PCDHGA8: variants seen among roughly 807,000 people sequenced by gnomAD.
The protein encoded by PCDHGA8 is protocadherin gamma subfamily A, 8.
Under a neutral mutation model 59.2 loss-of-function variants are expected in PCDHGA8, and 45 were observed. The observed-to-expected ratio is 0.76, with a 90% CI of 0.60 to 0.98. The LOEUF (loss-of-function observed/expected upper bound fraction) is 0.98, where lower values mean the gene tolerates loss of function less well. Ranked by LOEUF, PCDHGA8 falls within the 50% of genes least tolerant of loss-of-function variation. The pLI is 0.00. For synonymous variants in PCDHGA8, 531 were observed against 519.0 expected, an observed-to-expected ratio of 1.02 and a Z score of -0.32; for missense variants, 1,257 against 1,196.2, an observed-to-expected ratio of 1.05 and a Z score of -0.75.
At position 141,415,600 on chromosome 5, in the gene PCDHGA8, C is replaced by G. The variant is rs778987183; in HGVS notation, c.2424+20363C>G. ...TTCGAAGTTTCCTATAGAGGATACC[C>G]CATTGGTTCCAGTGAGTTTTATTTT... On this transcript the variant is annotated intron_variant, in intron 1 of 3. Coordinates refer to ENST00000398604, the MANE Select transcript of PCDHGA8 (RefSeq NM_032088.2). 24 of 1,613,588 alleles carry G rather than the reference C, an allele frequency of 1.5e-5. No individual in the cohort carries two copies. In the Middle Eastern group the frequency reaches 1.2e-3, roughly 77 times the overall value.
In PCDHGA8 at chr5:141,393,977, T is replaced by TA; in HGVS notation, c.1166dup (p.Asn389LysfsTer5). 6.2e-7 allele frequency: 1 copy of TA among 1,613,870 alleles called. No individual in the cohort carries two copies. The highest frequency in any genetic ancestry group is 8.5e-7 in the Non-Finnish European group (1 of 1,179,838). On this transcript the variant is annotated frameshift_variant, in exon 1 of 4. Coordinates refer to ENST00000398604, the MANE Select transcript of PCDHGA8 (RefSeq NM_032088.2). LOFTEE classifies it high-confidence loss of function. ...GTCAAGTTGTCTGTTACACACGTGA[T>TA]AATTTACCTTTTAAATTAGAAAAGT...
At chr5:141,478,850 A>T in intron 1 of PCDHGA8, 1 of 1,376,726 alleles carries the variant, frequency 7.3e-7, no homozygotes, top group South Asian at 1.5e-5. Context: ...AAGCTAAAAC[A>T]CAAGATCTCA....
In PCDHGA8 at chr5:141,494,886, C is replaced by T. The variant is rs1212594477; in HGVS notation, c.2483+21C>T. ...AGCGGGTAGGTGACTGATTCTCCAG[C>T]CCACCCTCTTCTCTGCGGCATTTTC... On this transcript the variant is annotated intron_variant, in intron 2 of 3. Coordinates refer to ENST00000398604, the MANE Select transcript of PCDHGA8 (RefSeq NM_032088.2). 8 of 1,614,010 alleles carry T rather than the reference C, an allele frequency of 5.0e-6. No homozygotes were observed. The Admixed American group carries it at 8.3e-5, about 17-fold the overall frequency.
chr5:141,398,776 G>C, intron 1 of PCDHGA8: 2 of 1,613,904 alleles, frequency 1.2e-6, no homozygotes. Context: ...TGCCTTGGAC[G>C]GTGGACATCC....
intron 1 of PCDHGA8, among the ~76,000 whole-genome samples, chr5:141,470,385 T>C (rs1278833959): frequency 1.3e-5 from 2 of 152,206 alleles, no homozygotes; most frequent in Non-Finnish European, 2.9e-5. Flanking sequence ...GACTACTCGA[T>C]GATATTTAGG....
At chr5:141,433,332 T>C (rs1344429296) in intron 1 of PCDHGA8, 7 of 694,580 alleles carry the variant, frequency 1.0e-5, no homozygotes, top group Non-Finnish European at 1.7e-5. Context: ...TAACAGGGAC[T>C]ACAGGTGCAA....
Position 141,491,573 on chromosome 5 carries a change from T to G in PCDHGA8, c.2425-3234T>G. The G allele has an allele frequency of 6.2e-7, 1 of 1,613,912 alleles. No individual in the cohort carries two copies. The highest frequency in any genetic ancestry group is 8.5e-7 in the Non-Finnish European group (1 of 1,180,030). The stretch of plus-strand genomic sequence containing the variant: ...CAGAGCCACTGCTACAGGACGTGCT[T>G]TTCACCGGCCTCGGACGGCAGTGAC... On this transcript the variant is annotated intron_variant, in intron 1 of 3. Transcript: ENST00000398604. The surrounding 1 kb of genome is among the most constrained non-coding windows in gnomAD (Gnocchi z 6.9).
Position 141,476,292 on chromosome 5 carries a change from G to A in PCDHGA8, c.2425-18515G>A. The A allele has an allele frequency of 1.9e-6, 3 of 1,614,144 alleles. No homozygotes were observed. The highest frequency in any genetic ancestry group is 2.5e-6 in the Non-Finnish European group (3 of 1,180,016). On this transcript the variant is annotated intron_variant, in intron 1 of 3. Transcript: ENST00000398604. This position sits in a 1 kb window ranked among gnomAD's most constrained non-coding sequence, Gnocchi z 7.6. ...GTCGCGAACCTTGGTTTGGATCTCGGTAGCCTCTCAGCCCGCAGGTTCCGG... is the reference window on the plus strand; with the variant it reads ...GTCGCGAACCTTGGTTTGGATCTCGATAGCCTCTCAGCCCGCAGGTTCCGG...
In PCDHGA8 at chr5:141,394,482, G is replaced by T. The variant is rs751618237; in HGVS notation, c.1669G>T (p.Asp557Tyr). The change falls in exon 1 of 4, where the codon GAC becomes TAC. Residue 557 changes from aspartate to tyrosine, a missense_variant. Asp to Tyr is a radical substitution (Grantham distance 160). Coordinates refer to ENST00000398604, the MANE Select transcript of PCDHGA8 (RefSeq NM_032088.2). ...SLSLFVLDQN[D>Y]NAPEILYPAL... ...GAGCCTGTTCGTGCTGGACCAGAAT[G>T]ACAACGCGCCCGAGATCCTGTACCC... 8 of 1,614,122 alleles carry T rather than the reference G, an allele frequency of 5.0e-6. No homozygotes were observed. The African/African-American group carries it at 1.1e-4, about 22-fold the overall frequency.
intron 3 of PCDHGA8, among the ~76,000 whole-genome samples, chr5:141,508,772 C>T (rs1015277795): frequency 5.3e-5 from 8 of 152,070 alleles, no homozygotes; most frequent in African/African-American, 1.2e-4. Flanking sequence ...TGAGGTCCCC[C>T]CTCTAGCCCC....
intron 2 of PCDHGA8, among the ~76,000 whole-genome samples, chr5:141,501,166 C>T (rs1443045812): frequency 6.6e-6 from 1 of 152,154 alleles, no homozygotes; most frequent in African/African-American, 2.4e-5. Flanking sequence ...CATCCCCAGC[C>T]TCATTTACAT....
At chr5:141,399,376 A>T in intron 1 of PCDHGA8, 1 of 1,613,956 alleles carries the variant, frequency 6.2e-7, no homozygotes, top group Non-Finnish European at 8.5e-7. Context: ...GTACAATGTC[A>T]CCATCACAGC....
intron 1 of PCDHGA8, among the ~76,000 whole-genome samples, chr5:141,405,770 G>C (rs989163026): frequency 1.3e-5 from 2 of 152,032 alleles, no homozygotes; most frequent in East Asian, 3.9e-4. Context: ...GAGCCACTGC[G>C]CCTGGCCCTT....
intron 1 of PCDHGA8, among the ~76,000 whole-genome samples, chr5:141,474,193 A>C (rs2099345142): frequency 6.6e-6 from 1 of 152,256 alleles, no homozygotes. Context: ...TACATTTTTA[A>C]AAGCTGATTT....
chr5:141,501,836 T>G (rs2099811283), intron 2 of PCDHGA8, among the ~76,000 whole-genome samples: 1 of 152,136 alleles, frequency 6.6e-6, no homozygotes, highest in Non-Finnish European at 1.5e-5. Context: ...CCCACCTGTT[T>G]GGCCCTCAAC....
At chr5:141,415,736 TA>T in intron 1 of PCDHGA8, 1 of 1,289,980 alleles carries the variant, frequency 7.8e-7, no homozygotes, top group South Asian at 1.8e-5. Context: ...TGATGTTTAT[TA>T]AGGTTTTTTT....
chr5:141,478,856 T>G (rs1372487685), intron 1 of PCDHGA8: 2 of 1,353,224 alleles, frequency 1.5e-6, no homozygotes, highest in Non-Finnish European at 2.0e-6. Flanking sequence ...AAACACAAGA[T>G]CTCAGCGATC....
chr5:141,415,823 G>T (rs529200891), intron 1 of PCDHGA8: 1 of 1,316,022 alleles, frequency 7.6e-7, no homozygotes, highest in East Asian at 2.8e-5. Context: ...ATATCATAAG[G>T]CTTTGTTATG....
intron 3 of PCDHGA8, among the ~76,000 whole-genome samples, chr5:141,509,620 C>G (rs1321910971): frequency 6.6e-6 from 1 of 152,188 alleles, no homozygotes; most frequent in African/African-American, 2.4e-5. Context: ...TAAACAAGTT[C>G]CTGGGTGATG....
Sources: allele counts gnomAD v4.1 joint callset (sites outside exome capture counted in the v4.1 genomes callset), GRCh38; gene constraint gnomAD v4.1.1; non-coding constraint Gnocchi (gnomAD v3.1); transcripts MANE v1.5; gene names NCBI Gene and HGNC (gene_info 2026-07-23, HGNC 2026-07-21).